DHRSX: variants seen among roughly 807,000 people sequenced by gnomAD.
DHRSX encodes dehydrogenase/reductase X-linked.
DHRSX carries 31 observed loss-of-function variants against 34.0 expected under a neutral mutation model. That is an observed-to-expected ratio of 0.91 (90% CI 0.69 to 1.23). The LOEUF is 1.23. Among genes scored for constraint, DHRSX ranks in the 50% most tolerant of loss-of-function variants. The probability of loss-of-function intolerance (pLI) is 0.00; values close to 1 mark genes in which losing one functional copy is unlikely to be tolerated. For missense variants in DHRSX, 414 were observed against 428.1 expected (o/e 0.97, Z 0.29); for synonymous variants, 201 against 183.8 (o/e 1.09, Z -0.76).
At chrX:2,419,475 C>A (rs1385692502) in intron 2 of DHRSX, among the ~76,000 whole-genome samples, 1 of 152,102 alleles carries the variant, frequency 6.6e-6, no homozygotes, top group Non-Finnish European at 1.5e-5. Flanking sequence ...TGGGTATATA[C>A]CCAAAGGATT....
At chrX:2,255,963 C>T (rs1442512394) in intron 5 of DHRSX, among the ~76,000 whole-genome samples, 1 of 150,372 alleles carries the variant, frequency 6.7e-6, no homozygotes, top group Non-Finnish European at 1.5e-5. Flanking sequence ...AAGGGTCTCA[C>T]AGGAAAGAAA....
intron 6 of DHRSX, among the ~76,000 whole-genome samples, chrX:2,224,182 C>T (rs1180498857): frequency 6.6e-6 from 1 of 152,212 alleles, no homozygotes; most frequent in Non-Finnish European, 1.5e-5. Flanking sequence ...CCCCAAATAC[C>T]CGACCTGTGT....
chrX:2,484,079 G>A (rs2044819218), intron 1 of DHRSX, among the ~76,000 whole-genome samples: 2 of 152,170 alleles, frequency 1.3e-5, no homozygotes, highest in Non-Finnish European at 1.5e-5. Flanking sequence ...TGGTTCACGC[G>A]ATTCTCCTGC....
At chrX:2,384,221 C>A (rs2043244870) in intron 3 of DHRSX, among the ~76,000 whole-genome samples, 1 of 152,092 alleles carries the variant, frequency 6.6e-6, no homozygotes, top group South Asian at 2.1e-4. Context: ...ACTCTAGGAT[C>A]GACTGTAGGC....
chrX:2,473,605 A>G (rs1304520533), intron 1 of DHRSX, among the ~76,000 whole-genome samples: 2 of 144,712 alleles, frequency 1.4e-5, no homozygotes, highest in Non-Finnish European at 3.0e-5. Flanking sequence ...CCTGGGTGAC[A>G]GGGTGACAGA....
intron 1 of DHRSX, among the ~76,000 whole-genome samples, chrX:2,482,162 C>G (rs1183309181): frequency 2.7e-5 from 4 of 149,530 alleles, no homozygotes; most frequent in African/African-American, 7.5e-5. Context: ...GCATCTCTCT[C>G]CTTGTTGCAC....
At chrX:2,321,583 C>T (rs1490048359) in intron 3 of DHRSX, among the ~76,000 whole-genome samples, 2 of 151,920 alleles carry the variant, frequency 1.3e-5, no homozygotes, top group Non-Finnish European at 2.9e-5. Flanking sequence ...GCTCCACCCC[C>T]CTCTCTCTCT....
At chrX:2,387,551 G>T (rs965195141) in intron 3 of DHRSX, among the ~76,000 whole-genome samples, 1 of 151,936 alleles carries the variant, frequency 6.6e-6, no homozygotes, top group African/African-American at 2.4e-5. Flanking sequence ...GTCTTTTCAT[G>T]TTTTTCTGCC....
At chrX:2,250,931 G>C (rs766297046) in intron 5 of DHRSX, among the ~76,000 whole-genome samples, 1 of 152,274 alleles carries the variant, frequency 6.6e-6, no homozygotes, top group Non-Finnish European at 1.5e-5. Context: ...TGTAACCAAA[G>C]ACAGAGTGGA....
intron 3 of DHRSX, among the ~76,000 whole-genome samples, chrX:2,400,596 T>C (rs1230468953): frequency 2.0e-5 from 3 of 152,182 alleles, no homozygotes; most frequent in Non-Finnish European, 4.4e-5. Flanking sequence ...ACTCAGAAGA[T>C]ACCTGTGCAC....
intron 1 of DHRSX, among the ~76,000 whole-genome samples, chrX:2,485,789 A>AGAAGGAAGGAAGGGAGAGAAGGAAG (rs1349113620): frequency 3.9e-5 from 1 of 25,726 alleles, no homozygotes; most frequent in Admixed American, 4.7e-4. Flanking sequence ...GAAAAGGGAG[A>AGAAGGAAGGAAGGGAGAGAAGGAAG]GAAGGGAGAG....
intron 6 of DHRSX, among the ~76,000 whole-genome samples, chrX:2,236,958 G>A (rs1479594777): frequency 6.6e-6 from 1 of 152,080 alleles, no homozygotes; most frequent in Non-Finnish European, 1.5e-5. Context: ...GCAGGCCGAG[G>A]CAGGCGGCTC....
intron 4 of DHRSX, among the ~76,000 whole-genome samples, chrX:2,284,894 T>C (rs1442421714): frequency 6.6e-6 from 1 of 152,188 alleles, no homozygotes; most frequent in East Asian, 1.9e-4. Context: ...TGCAAAACCT[T>C]GATTGCTCTA....
intron 3 of DHRSX, among the ~76,000 whole-genome samples, chrX:2,387,760 T>A (rs183443858): frequency 6.6e-6 from 1 of 151,724 alleles, no homozygotes; most frequent in African/African-American, 2.4e-5. Flanking sequence ...GCAGAACCCA[T>A]TCCAAGGGCA....
chrX:2,304,300 GATGGATGGATGA>G (rs1327001050), intron 3 of DHRSX, among the ~76,000 whole-genome samples: 4 of 149,618 alleles, frequency 2.7e-5, no homozygotes, highest in African/African-American at 9.9e-5. Flanking sequence ...TGGGTGGATG[GATGGATGGATGA>G]ATGGATGGAT....
chrX:2,311,055 C>G (rs1338325583), intron 3 of DHRSX, among the ~76,000 whole-genome samples: 8 of 96,146 alleles, frequency 8.3e-5, no homozygotes, highest in Non-Finnish European at 1.3e-4. Context: ...GAACAACACT[C>G]TGTGTCAAAA....
At chrX:2,422,271 G>A (rs2043790016) in intron 2 of DHRSX, among the ~76,000 whole-genome samples, 1 of 151,914 alleles carries the variant, frequency 6.6e-6, no homozygotes, top group African/African-American at 2.4e-5. Context: ...GTTTTGGAAA[G>A]TCTTTTTTTG....
intron 5 of DHRSX, among the ~76,000 whole-genome samples, chrX:2,264,619 A>C (rs1340734931): frequency 6.6e-6 from 1 of 151,022 alleles, no homozygotes; most frequent in Non-Finnish European, 1.5e-5. Context: ...GACCATGCCC[A>C]GCAGATGCAG....
At chrX:2,244,031 A>G (rs960254797) in intron 5 of DHRSX, among the ~76,000 whole-genome samples, 6 of 151,992 alleles carry the variant, frequency 3.9e-5, no homozygotes, top group African/African-American at 1.4e-4. Context: ...TTGGCCTCCC[A>G]AAGTGCTGGG....
Sources: allele counts gnomAD v4.1 joint callset (sites outside exome capture counted in the v4.1 genomes callset), GRCh38; gene constraint gnomAD v4.1.1; transcripts MANE v1.5; gene names NCBI Gene and HGNC (gene_info 2026-07-23, HGNC 2026-07-21).